Variants in SUSD1 observed in about 807,000 individuals in gnomAD.
SUSD1 encodes sushi domain-containing protein 1.
Under a neutral mutation model 86.9 loss-of-function variants are expected in SUSD1, and 65 were observed. The observed-to-expected ratio is 0.75, with a 90% CI of 0.61 to 0.92. The LOEUF (loss-of-function observed/expected upper bound fraction) is 0.92, where lower values mean the gene tolerates loss of function less well. Among genes scored for constraint, SUSD1 ranks in the 40% least tolerant of loss-of-function variants. The pLI, the probability that SUSD1 is intolerant of heterozygous loss-of-function variation, is 0.00. For synonymous variants in SUSD1, 346 were observed against 350.0 expected, an observed-to-expected ratio of 0.99 and a Z score of 0.13; for missense variants, 850 against 929.7, an observed-to-expected ratio of 0.91 and a Z score of 1.11.
At chr9:112,093,885 G>T (rs913994229) in intron 10 of SUSD1, among the ~76,000 whole-genome samples, 4 of 152,160 alleles carry the variant, frequency 2.6e-5, no homozygotes, top group African/African-American at 9.7e-5. Context: ...AAAGCTCTAA[G>T]ACATAGGCTT....
chr9:112,110,917 T>C (rs1228610644), intron 8 of SUSD1, among the ~76,000 whole-genome samples: 3 of 152,124 alleles, frequency 2.0e-5, no homozygotes, highest in Non-Finnish European at 4.4e-5. Context: ...CAACTTGATC[T>C]CTTTAAAGCT....
At chr9:112,063,996 C>T (rs565817801) in intron 12 of SUSD1, among the ~76,000 whole-genome samples, 192 of 140,256 alleles carry the variant, frequency 1.4e-3, no homozygotes, top group African/African-American at 4.9e-3. Flanking sequence ...TGTGAAACAG[C>T]TAGTTCCCAT....
At chr9:112,142,703 T>G (rs780652212) in intron 4 of SUSD1, 19 of 527,044 alleles carry the variant, frequency 3.6e-5, no homozygotes, top group African/African-American at 3.9e-5. Flanking sequence ...AGGTAAAGCA[T>G]CTATACATGC....
At chr9:112,075,062 C>T (rs1483021360) in intron 12 of SUSD1, among the ~76,000 whole-genome samples, 2 of 152,114 alleles carry the variant, frequency 1.3e-5, no homozygotes, top group Admixed American at 6.5e-5. Context: ...TGCAACGGTC[C>T]TTCAAACCAG....
intron 3 of SUSD1, among the ~76,000 whole-genome samples, chr9:112,147,687 T>G (rs1832865108): frequency 6.6e-6 from 1 of 152,136 alleles, no homozygotes; most frequent in Admixed American, 6.5e-5. Context: ...GAGAATCGCT[T>G]GAACCCGTGA....
intron 14 of SUSD1, among the ~76,000 whole-genome samples, chr9:112,052,869 T>C (rs1024442527): frequency 2.0e-5 from 3 of 152,208 alleles, no homozygotes; most frequent in African/African-American, 7.2e-5. Context: ...CAGTATATAA[T>C]ACTTCATCTA....
chr9:112,115,808 C>CAAAAAAAAAAAAAAAA (rs1406590665), intron 6 of SUSD1, among the ~76,000 whole-genome samples: 1 of 59,604 alleles, frequency 1.7e-5, no homozygotes, highest in Non-Finnish European at 3.3e-5. Context: ...GACTCCATTG[C>CAAAAAAAAAAAAAAAA]AAAAAAAAAA....
chr9:112,170,848 T>C (rs1457751698), intron 1 of SUSD1, among the ~76,000 whole-genome samples: 3 of 151,886 alleles, frequency 2.0e-5, no homozygotes, highest in African/African-American at 7.3e-5. Context: ...TAGCTAGGAT[T>C]ACAAGCGCCC....
At chr9:112,090,956 A>G (rs1011154420) in intron 10 of SUSD1, among the ~76,000 whole-genome samples, 14 of 152,214 alleles carry the variant, frequency 9.2e-5, no homozygotes, top group African/African-American at 2.9e-4. Flanking sequence ...CTTAGAACCC[A>G]TTTAGCTGAA....
At chr9:112,085,795 G>A (rs1829950668) in intron 10 of SUSD1, among the ~76,000 whole-genome samples, 1 of 152,062 alleles carries the variant, frequency 6.6e-6, no homozygotes, top group Non-Finnish European at 1.5e-5. Context: ...GATAATGGTG[G>A]CCCCTTAAAT....
At chr9:112,106,725 G>A (rs1432032565) in intron 8 of SUSD1, among the ~76,000 whole-genome samples, 1 of 102,370 alleles carries the variant, frequency 9.8e-6, no homozygotes, top group Non-Finnish European at 2.0e-5. Context: ...AGAGAAGAGA[G>A]AGGGGAAGAA....
chr9:112,111,697 A>T lies in SUSD1; in HGVS notation c.1128T>A (p.Pro376=). Reference sequence around the variant, plus strand: ...TGACGGCTGGCATCGAGCGCCTGGGAGGTGCTGTGGAGATGTTCACGGTGT... The same window carrying T: ...TGACGGCTGGCATCGAGCGCCTGGGTGGTGCTGTGGAGATGTTCACGGTGT... The part of the protein sequence containing the change: ...TNYTVNISTA[P]PRRSMPAVIG... Residue 376 remains proline (P), a synonymous_variant, in exon 8 of 17, where the codon CCT becomes CCA. Transcript: ENST00000374270. 1 of 1,613,992 alleles carries T rather than the reference A, an allele frequency of 6.2e-7. No homozygotes were observed. The highest frequency in any genetic ancestry group is 8.5e-7 in the Non-Finnish European group (1 of 1,179,950).
intron 2 of SUSD1, among the ~76,000 whole-genome samples, chr9:112,150,495 C>A (rs79354669): frequency 0.036 from 5,532 of 152,266 alleles, 344 homozygotes; most frequent in African/African-American, 0.13. Flanking sequence ...TCCAGAAGAT[C>A]TGGGTGGGTT....
intron 2 of SUSD1, among the ~76,000 whole-genome samples, chr9:112,153,258 C>A (rs1367600537): frequency 6.6e-6 from 1 of 151,350 alleles, no homozygotes; most frequent in Non-Finnish European, 1.5e-5. Context: ...CAAAGTGAGA[C>A]CCTGGCTAAA....
At chr9:112,174,754 G>A (rs1834193239) in intron 1 of SUSD1, among the ~76,000 whole-genome samples, 1 of 152,154 alleles carries the variant, frequency 6.6e-6, no homozygotes. Flanking sequence ...AGAGCCGGAA[G>A]CGTGACAGCG....
At chr9:112,097,198 C>A (rs1167067309) in intron 10 of SUSD1, among the ~76,000 whole-genome samples, 1 of 151,390 alleles carries the variant, frequency 6.6e-6, no homozygotes, top group Non-Finnish European at 1.5e-5. Context: ...TGGTGGTATG[C>A]GCCTGTAGTC....
At chr9:112,151,641 T>A (rs1342623517) in intron 2 of SUSD1, among the ~76,000 whole-genome samples, 1 of 133,102 alleles carries the variant, frequency 7.5e-6, no homozygotes, top group Non-Finnish European at 1.6e-5. Flanking sequence ...GTGGCTCACG[T>A]CTGTAATCCC....
chr9:112,109,348 A>G (rs1464270726), intron 8 of SUSD1, among the ~76,000 whole-genome samples: 1 of 152,256 alleles, frequency 6.6e-6, no homozygotes, highest in East Asian at 1.9e-4. Context: ...CATAACTCCA[A>G]TAATGAAATC....
At chr9:112,157,362 A>G in intron 2 of SUSD1, 138 bp downstream of exon 2, 1 of 619,256 alleles carries the variant, frequency 1.6e-6, no homozygotes, top group Non-Finnish European at 2.8e-6. Flanking sequence ...AAGACTTATT[A>G]TAATTGACAA....
Sources: allele counts gnomAD v4.1 joint callset (sites outside exome capture counted in the v4.1 genomes callset), GRCh38; gene constraint gnomAD v4.1.1; transcripts MANE v1.5; gene names NCBI Gene and HGNC (gene_info 2026-07-23, HGNC 2026-07-21).